The following ATL1 variants were observed in gnomAD, a reference collection of about 807,000 sequenced individuals.
ATL1 encodes atlastin GTPase 1.
In ATL1, 31 loss-of-function variants were observed where a neutral mutation model predicts 75.5. The observed-to-expected ratio is 0.41, with a 90% CI of 0.31 to 0.55. The LOEUF (loss-of-function observed/expected upper bound fraction) is 0.55, where lower values mean the gene tolerates loss of function less well. ATL1 is among the 20% of genes least tolerant of loss of function. The pLI is 0.27. For missense variants in ATL1, 405 were observed against 662.6 expected (o/e 0.61, Z 4.27); for synonymous variants, 226 against 233.3 (o/e 0.97, Z 0.28).
intron 2 of ATL1, among the ~76,000 whole-genome samples, chr14:50,590,597 C>G (rs1220480065): frequency 1.3e-5 from 2 of 152,132 alleles, no homozygotes; most frequent in Non-Finnish European, 2.9e-5. Context: ...TATTTATTTT[C>G]TATGCTACCA....
chr14:50,537,413 G>A (rs1388697599), intron 1 of ATL1, among the ~76,000 whole-genome samples: 2 of 152,206 alleles, frequency 1.3e-5, no homozygotes, highest in African/African-American at 2.4e-5. Flanking sequence ...CTGCTAGGGT[G>A]GTGCGAAAGG....
rs569765110 is a variant in ATL1 at position 50,546,913 on chromosome 14, G to A, written c.-139-13214G>A. On this transcript the variant is annotated intron_variant, in intron 1 of 13. Coordinates refer to the ATL1 transcript ENST00000441560. ...GCAGGTTTGTTACATAGGCATACACGTGCCATAGTGGTTTGCTGCACCCAT... is the reference window on the plus strand; with the variant it reads ...GCAGGTTTGTTACATAGGCATACACATGCCATAGTGGTTTGCTGCACCCAT... Among the ~76,000 whole-genome samples, 42 of 152,116 alleles carry A rather than the reference G, an allele frequency of 2.8e-4. 1 individual carries two copies. The highest frequency in any genetic ancestry group is 2.4e-3 in the Admixed American group (36 of 15,280).
chr14:50,591,387 T>A (rs1041609268), intron 3 of ATL1, 148 bp from the exon 4 acceptor site: 14 of 634,748 alleles, frequency 2.2e-5, no homozygotes, highest in Non-Finnish European at 3.8e-5. Flanking sequence ...TATTTTTATT[T>A]TCTGTGGCAT....
intron 6 of ATL1, among the ~76,000 whole-genome samples, chr14:50,597,912 G>A (rs542280114): frequency 6.6e-6 from 1 of 152,190 alleles, no homozygotes; most frequent in Non-Finnish European, 1.5e-5. Flanking sequence ...AACCAGGATG[G>A]TCTTGATCTC....
chr14:50,538,121 G>C (rs1400415419), intron 1 of ATL1, among the ~76,000 whole-genome samples: 1 of 152,096 alleles, frequency 6.6e-6, no homozygotes, highest in Non-Finnish European at 1.5e-5. Flanking sequence ...TGAATCATGG[G>C]GGCAAATCTT....
intron 6 of ATL1, among the ~76,000 whole-genome samples, chr14:50,610,089 C>T (rs1252396028): frequency 6.6e-6 from 1 of 151,822 alleles, no homozygotes; most frequent in Non-Finnish European, 1.5e-5. Flanking sequence ...ACCACATACG[C>T]ATAATGAGAG....
At chr14:50,621,406 A>G (rs1369580375) in intron 9 of ATL1, among the ~76,000 whole-genome samples, 1 of 152,188 alleles carries the variant, frequency 6.6e-6, no homozygotes, top group Non-Finnish European at 1.5e-5. Context: ...AATAAATGCC[A>G]TGTTATTAAT....
chr14:50,631,232 C>G (rs2039576727), intron 13 of ATL1, among the ~76,000 whole-genome samples: 1 of 151,408 alleles, frequency 6.6e-6, no homozygotes, highest in African/African-American at 2.4e-5. Flanking sequence ...TGCATTCCAG[C>G]CTGAGCGAGA....
intron 6 of ATL1, among the ~76,000 whole-genome samples, chr14:50,598,592 A>G (rs2039243315): frequency 6.6e-6 from 1 of 151,946 alleles, no homozygotes; most frequent in African/African-American, 2.4e-5. Flanking sequence ...CGAACTCCTG[A>G]CCTCAGGTTA....
At chr14:50,549,745 A>C (rs573309417) in intron 1 of ATL1, among the ~76,000 whole-genome samples, 7 of 152,310 alleles carry the variant, frequency 4.6e-5, no homozygotes, top group Admixed American at 3.9e-4. Flanking sequence ...ATAACCCAAC[A>C]GGGGCAGGAC....
chr14:50,606,173 A>G (rs2039315865), intron 6 of ATL1, among the ~76,000 whole-genome samples: 2 of 152,006 alleles, frequency 1.3e-5, no homozygotes, highest in Non-Finnish European at 2.9e-5. Context: ...TTGAGGCCTC[A>G]GTTTATTATT....
intron 8 of ATL1, among the ~76,000 whole-genome samples, chr14:50,615,945 C>T (rs1030589738): frequency 7.9e-5 from 12 of 152,114 alleles, no homozygotes; most frequent in South Asian, 2.1e-4. Flanking sequence ...AAAGAGCTCA[C>T]GGAGAGAGTT....
chr14:50,602,379 C>G (rs1276664535), intron 6 of ATL1, among the ~76,000 whole-genome samples: 2 of 152,126 alleles, frequency 1.3e-5, no homozygotes, highest in Admixed American at 1.3e-4. Context: ...AAACAGATCC[C>G]CCTTACTAAG....
rs376730982 is a variant in ATL1, at chr14:50,616,632, C to T, written c.862+2121C>T. 7.2e-5 allele frequency among the ~76,000 whole-genome samples: 11 copies of T among 152,190 alleles called. No homozygotes were observed. In the East Asian group the frequency reaches 7.7e-4, roughly 11 times the overall value. On this transcript the variant is annotated intron_variant, in intron 8 of 13. Transcript: ENST00000358385. ...ACTTTTTAAGACATTTGTTCTCCAT[C>T]AAATTGTATTCACTTCTATGCATAT...
At chr14:50,605,425 A>G (rs2039308323) in intron 6 of ATL1, among the ~76,000 whole-genome samples, 1 of 151,904 alleles carries the variant, frequency 6.6e-6, no homozygotes, top group South Asian at 2.1e-4. Flanking sequence ...CTAAATTGAC[A>G]ATTTCTCATT....
chr14:50,585,216 C>T (rs2039090640), intron 1 of ATL1, among the ~76,000 whole-genome samples: 1 of 152,172 alleles, frequency 6.6e-6, no homozygotes, highest in Admixed American at 6.5e-5. Flanking sequence ...TAGAAAAAGA[C>T]AATTTTGCTC....
intron 1 of ATL1, among the ~76,000 whole-genome samples, chr14:50,571,200 G>A (rs1345843803): frequency 6.6e-6 from 1 of 152,142 alleles, no homozygotes; most frequent in Non-Finnish European, 1.5e-5. Flanking sequence ...ATCAGAAGCA[G>A]CAATTATCAA....
chr14:50,591,114 T>G (rs1295002778), intron 3 of ATL1, 39 bp downstream of exon 3: 2 of 1,590,650 alleles, frequency 1.3e-6, no homozygotes, highest in Admixed American at 1.7e-5. Context: ...GAGTTTTCAC[T>G]TATAACAGTT....
chr14:50,590,112 G>T (rs945650246), intron 2 of ATL1, among the ~76,000 whole-genome samples: 3 of 152,104 alleles, frequency 2.0e-5, no homozygotes, highest in Admixed American at 2.0e-4. Context: ...AACTCCACTT[G>T]CATCAGTACT....
Sources: allele counts gnomAD v4.1 joint callset (sites outside exome capture counted in the v4.1 genomes callset), GRCh38; gene constraint gnomAD v4.1.1; transcripts MANE v1.5; gene names NCBI Gene and HGNC (gene_info 2026-07-23, HGNC 2026-07-21).